The following DOCK4 variants were observed in gnomAD, a reference collection of about 807,000 sequenced individuals.
DOCK4 encodes dedicator of cytokinesis protein 4.
In DOCK4, 97 loss-of-function variants were observed where a neutral mutation model predicts 268.1. That is an observed-to-expected ratio of 0.36 (90% confidence interval 0.31 to 0.43). The LOEUF is 0.43. Ranked by LOEUF, DOCK4 falls within the 20% of genes least tolerant of loss-of-function variation. The pLI, the probability that DOCK4 is intolerant of heterozygous loss-of-function variation, is 1.00. For missense variants in DOCK4, 2,145 were observed against 2,455.7 expected (o/e 0.87, Z 2.67); for synonymous variants, 954 against 887.2 (o/e 1.08, Z -1.34).
At chr7:111,923,446 A>G (rs1793326541) in intron 12 of DOCK4, among the ~76,000 whole-genome samples, 1 of 152,146 alleles carries the variant, frequency 6.6e-6, no homozygotes, top group African/African-American at 2.4e-5. Flanking sequence ...CTTTTTAGGT[A>G]ATCAGTATTT....
At chr7:111,972,720 C>CAAA (rs113045899) in intron 8 of DOCK4, among the ~76,000 whole-genome samples, 5 of 151,582 alleles carry the variant, frequency 3.3e-5, no homozygotes, top group African/African-American at 9.7e-5. Context: ...TAAATATAAA[C>CAAA]AAAATTTCCA....
intron 1 of DOCK4, among the ~76,000 whole-genome samples, chr7:112,053,306 C>T (rs1247222663): frequency 6.6e-6 from 1 of 152,206 alleles, no homozygotes; most frequent in Admixed American, 6.5e-5. Context: ...AATCAGACTT[C>T]ACTGGAGTAG....
intron 21 of DOCK4, among the ~76,000 whole-genome samples, chr7:111,868,924 TAAA>T (rs1806199115): frequency 6.6e-6 from 1 of 152,216 alleles, no homozygotes; most frequent in African/African-American, 2.4e-5. Flanking sequence ...TGCTATTTTA[TAAA>T]ATGTATACAT....
At chr7:111,892,003 C>T (rs752682876) in intron 16 of DOCK4, among the ~76,000 whole-genome samples, 3 of 152,124 alleles carry the variant, frequency 2.0e-5, no homozygotes, top group Non-Finnish European at 4.4e-5. Flanking sequence ...TGTGTTGCAA[C>T]TATATTTCAG....
chr7:111,824,055 A>T (rs1215595790), intron 26 of DOCK4, among the ~76,000 whole-genome samples: 1 of 152,204 alleles, frequency 6.6e-6, no homozygotes, highest in African/African-American at 2.4e-5. Flanking sequence ...AAACATGCCC[A>T]CTAGGTCATC....
chr7:112,140,345 C>G (rs1434464322), intron 1 of DOCK4, among the ~76,000 whole-genome samples: 1 of 152,070 alleles, frequency 6.6e-6, no homozygotes, highest in African/African-American at 2.4e-5. Flanking sequence ...CAGACCACAC[C>G]CAGAGCTGAT....
chr7:111,985,757 C>A (rs1169496148), intron 6 of DOCK4, among the ~76,000 whole-genome samples: 2 of 152,176 alleles, frequency 1.3e-5, no homozygotes, highest in Non-Finnish European at 2.9e-5. Flanking sequence ...ATTTTTAACT[C>A]ACAATAAACA....
intron 1 of DOCK4, among the ~76,000 whole-genome samples, chr7:112,058,107 G>T (rs1298320170): frequency 1.5e-5 from 2 of 135,802 alleles, no homozygotes; most frequent in East Asian, 2.4e-4. Context: ...AAGTCAAAAT[G>T]TTTGGAAAAT....
In DOCK4 at chr7:111,901,720, T is replaced by G; in HGVS notation, c.1274A>C (p.Glu425Ala). ...ACTGTCTACAATGAACATCGTAACT[T>G]CCACATTTCTGGCCACGCTCTTCCC... ...KGGKSVARNV[E>A]VTMFIVDSSG... The change falls in exon 14 of 53, where the codon GAA becomes GCA. Residue 425 changes from glutamate (E) to alanine (A), a missense_variant. Glu to Ala is a moderately radical substitution (Grantham distance 107). This residue lies in a region of DOCK4 where 1,598 missense variants were observed against 1,986.7 expected (regional missense o/e 0.80). Coordinates refer to ENST00000428084, the MANE Select transcript of DOCK4 (RefSeq NM_001363540.2). 6.2e-7 allele frequency: 1 copy of G among 1,613,614 alleles called. No homozygotes were observed. Among genetic ancestry groups the G allele is most frequent in the Non-Finnish European group, 8.5e-7 (1 of 1,179,738 alleles).
chr7:111,931,587 A>C (rs919436745), intron 12 of DOCK4, among the ~76,000 whole-genome samples: 5 of 152,212 alleles, frequency 3.3e-5, no homozygotes, highest in African/African-American at 1.2e-4. Flanking sequence ...TTAGCAATCA[A>C]ATCAATGGAG....
chr7:112,151,239 A>C (rs1462230281), intron 1 of DOCK4, among the ~76,000 whole-genome samples: 7 of 152,088 alleles, frequency 4.6e-5, no homozygotes, highest in African/African-American at 1.7e-4. Flanking sequence ...CTGGTGGCCC[A>C]CCTTCAGTAG....
At chr7:111,770,900 T>C (rs1798086983) in intron 36 of DOCK4, among the ~76,000 whole-genome samples, 1 of 152,214 alleles carries the variant, frequency 6.6e-6, no homozygotes, top group South Asian at 2.1e-4. Context: ...GTAAAAAAGA[T>C]AGTTGCAATA....
At chr7:112,104,615 G>C (rs1040677302) in intron 1 of DOCK4, among the ~76,000 whole-genome samples, 7 of 152,176 alleles carry the variant, frequency 4.6e-5, no homozygotes, top group Non-Finnish European at 8.8e-5. Context: ...CTGTATTGGA[G>C]AGCATAATTT....
At position 112,085,169 on chromosome 7, in the gene DOCK4, T is replaced by C. The variant is rs898451752; in HGVS notation, c.38-81038A>G. On this transcript the variant is annotated intron_variant, in intron 1 of 52. Coordinates refer to ENST00000428084, the MANE Select transcript of DOCK4 (RefSeq NM_001363540.2). ...ATGAAGAGATTTAACATGGTAACAT[T>C]TGGCAAAGAACTTCATAGCTTCCCC... is the stretch of plus-strand genomic sequence containing the variant. Among the ~76,000 whole-genome samples the C allele has an allele frequency of 2.6e-5, 4 of 152,108 alleles. No homozygotes were observed. The East Asian group carries it at 5.8e-4, about 22-fold the overall frequency.
chr7:111,757,294 G>A (rs1483004146), intron 41 of DOCK4, among the ~76,000 whole-genome samples: 7 of 152,086 alleles, frequency 4.6e-5, no homozygotes, highest in Admixed American at 2.6e-4. Context: ...CAGCCACAAC[G>A]AAATGTAGTA....
At chr7:112,172,608 T>C (rs1410668754) in intron 1 of DOCK4, among the ~76,000 whole-genome samples, 1 of 152,148 alleles carries the variant, frequency 6.6e-6, no homozygotes, top group Admixed American at 6.6e-5. Flanking sequence ...TTAATCAAAA[T>C]TACAGTAATT....
intron 30 of DOCK4, among the ~76,000 whole-genome samples, chr7:111,805,827 T>C (rs1409630837): frequency 2.6e-5 from 4 of 152,288 alleles, no homozygotes; most frequent in East Asian, 1.9e-4. Flanking sequence ...TGGAAAAAAG[T>C]ATATTAAGTG....
intron 1 of DOCK4, among the ~76,000 whole-genome samples, chr7:112,057,701 G>A (rs1387995699): frequency 6.6e-6 from 1 of 151,936 alleles, no homozygotes; most frequent in Non-Finnish European, 1.5e-5. Flanking sequence ...CTTGAACCCA[G>A]GAGTTCAAGG....
At chr7:111,832,173 AT>A (rs1209662034) in intron 26 of DOCK4, among the ~76,000 whole-genome samples, 3 of 152,190 alleles carry the variant, frequency 2.0e-5, no homozygotes, top group African/African-American at 4.8e-5. Context: ...TTCAGGTGAT[AT>A]TTTAATAGAG....
Sources: gnomAD v4.1 joint callset for allele counts (sites outside exome capture counted in the v4.1 genomes callset) on GRCh38, gnomAD v4.1.1 for gene constraint, gnomAD v4.1.1 regional missense constraint, MANE v1.5 for transcripts, NCBI Gene and HGNC (gene_info 2026-07-23, HGNC 2026-07-21) for gene names.